OTC: variants seen among roughly 807,000 people sequenced by gnomAD.
OTC encodes the protein ornithine transcarbamylase, also known as ornithine transcarbamylase, mitochondrial.
A neutral mutation model predicts 30.3 loss-of-function variants in OTC; 3 were observed. That is an observed-to-expected ratio of 0.10 (90% CI 0.05 to 0.26). The LOEUF (loss-of-function observed/expected upper bound fraction) is 0.26, where lower values mean the gene tolerates loss of function less well. Ranked by LOEUF, OTC falls within the 10% of genes least tolerant of loss-of-function variation. The pLI is 1.00. For synonymous variants in OTC, 111 were observed against 99.7 expected (o/e 1.11, Z -0.67); for missense variants, 194 against 260.3 (o/e 0.75, Z 1.75).
At chrX:38,382,730 T>A (rs1200971148) in intron 4 of OTC, among the ~76,000 whole-genome samples, 2 of 112,456 alleles carry the variant, frequency 1.8e-5, no homozygotes, top group Non-Finnish European at 3.7e-5. Flanking sequence ...GATCAAGGGA[T>A]GAAGCCAGAG....
chrX:38,375,775 G>A (rs757765784), intron 3 of OTC, among the ~76,000 whole-genome samples: 1 of 111,514 alleles, frequency 9.0e-6, no homozygotes, highest in Non-Finnish European at 1.9e-5. Context: ...ATCTGGCCTA[G>A]AGATATTTGA....
At chrX:38,412,202 C>A (rs2068547770) in intron 9 of OTC, among the ~76,000 whole-genome samples, 1 of 111,800 alleles carries the variant, frequency 8.9e-6, no homozygotes. Flanking sequence ...TGAGATTAAT[C>A]TCCTTTCAAA....
At chrX:38,395,016 A>G (rs1035886939) in intron 4 of OTC, among the ~76,000 whole-genome samples, 1 of 111,113 alleles carries the variant, frequency 9.0e-6, no homozygotes, top group African/African-American at 3.3e-5. Context: ...TCTGTCACCC[A>G]GGCTAGAGTG....
chrX:38,400,005 T>C (rs2068476939), intron 4 of OTC, among the ~76,000 whole-genome samples: 1 of 111,744 alleles, frequency 8.9e-6, no homozygotes, highest in Non-Finnish European at 1.9e-5. Flanking sequence ...ATAAGAATTA[T>C]ATAGTAAATT....
chrX:38,342,949 T>C, the OTC span, among the ~76,000 whole-genome samples: 1 of 111,924 alleles, frequency 8.9e-6, no homozygotes, highest in African/African-American at 3.2e-5. Context: ...GCTTAGTAGA[T>C]ATAGCCCAAT....
intron 4 of OTC, among the ~76,000 whole-genome samples, chrX:38,396,676 G>A (rs2068459032): frequency 9.0e-6 from 1 of 110,965 alleles, no homozygotes. Context: ...GGTAGACTGA[G>A]GCCGGATAAT....
intron 3 of OTC, among the ~76,000 whole-genome samples, chrX:38,376,873 C>G (rs187372810): frequency 1.1e-4 from 12 of 112,068 alleles, no homozygotes; most frequent in African/African-American, 3.9e-4. Context: ...TAAATAGAAC[C>G]TAATGCAATA....
intron 3 of OTC, among the ~76,000 whole-genome samples, chrX:38,376,670 A>G (rs905418091): frequency 8.9e-6 from 1 of 112,316 alleles, no homozygotes; most frequent in Non-Finnish European, 1.9e-5. Context: ...AATGGAAACT[A>G]CAAAAGAGCA....
intron 4 of OTC, chrX:38,395,617 C>A: frequency 6.7e-6 from 1 of 148,279 alleles, no homozygotes; most frequent in South Asian, 2.0e-4. Context: ...GCTCACAGTT[C>A]CATCCATAGG....
intron 4 of OTC, among the ~76,000 whole-genome samples, chrX:38,393,908 T>G (rs778487545): frequency 8.9e-6 from 1 of 111,836 alleles, no homozygotes. Context: ...CCTGTATCCT[T>G]GGGCTTGAGG....
chrX:38,338,736 C>T, the OTC span, among the ~76,000 whole-genome samples: 1 of 112,273 alleles, frequency 8.9e-6, no homozygotes, highest in Non-Finnish European at 1.9e-5. Context: ...GAGAGAAATA[C>T]TTGGGCAAAG....
chrX:38,332,504 T>TATATATA, the OTC span, among the ~76,000 whole-genome samples: 67 of 39,355 alleles, frequency 1.7e-3, no homozygotes, highest in African/African-American at 5.8e-3. Flanking sequence ...GCCCTAGATT[T>TATATATA]TATATATATA....
chrX:38,420,847 C>T (rs1255788238), intron 9 of OTC, among the ~76,000 whole-genome samples, 176 bp from the exon 10 acceptor site: 1 of 111,413 alleles, frequency 9.0e-6, no homozygotes, highest in Non-Finnish European at 1.9e-5. Context: ...TTCATTTATA[C>T]CCTCCTCCAA....
At chrX:38,366,733 TATTTC>T (rs1483930034) in intron 1 of OTC, among the ~76,000 whole-genome samples, 3 of 111,897 alleles carry the variant, frequency 2.7e-5, no homozygotes, top group Non-Finnish European at 3.8e-5. Context: ...CTCATGTGGC[TATTTC>T]AAGCAAATAA....
At chrX:38,345,096 G>A in the OTC span, among the ~76,000 whole-genome samples, 1 of 111,036 alleles carries the variant, frequency 9.0e-6, no homozygotes, top group Non-Finnish European at 1.9e-5. Flanking sequence ...TAGCTATTTG[G>A]GAGGCTGAGG....
intron 7 of OTC, 37 bp downstream of exon 7, chrX:38,408,832 A>G (rs1470349343): frequency 8.3e-7 from 1 of 1,206,138 alleles, no homozygotes; most frequent in Non-Finnish European, 1.1e-6. Context: ...ATTGCCTTTT[A>G]CTGTCCCATG....
intron 2 of OTC, among the ~76,000 whole-genome samples, chrX:38,367,904 G>A (rs187035669): frequency 0.011 from 1,180 of 110,637 alleles, 17 homozygotes; most frequent in African/African-American, 0.037. Context: ...TTTTAGTAGA[G>A]ATGGAGTTTT....
In OTC at chrX:38,352,628, G is replaced by A; in HGVS notation, c.-69G>A. ...GAACACATTTCTTAGTTTTTAGGTG[G>A]CCCCCGCTGGCTAACTTGCTGTGGA... On this transcript the variant is annotated 5_prime_UTR_variant, in exon 1 of 10. Coordinates refer to ENST00000039007, the MANE Select transcript of OTC (RefSeq NM_000531.6). 1.2e-6 allele frequency: 1 copy of A among 802,157 alleles called. No homozygotes were observed. The highest frequency in any genetic ancestry group is 1.9e-6 in the Non-Finnish European group (1 of 524,747). 66.1% of individuals were successfully genotyped at this position (802,157 alleles called of 1,213,427 possible).
intron 4 of OTC, among the ~76,000 whole-genome samples, chrX:38,396,958 G>A (rs376271753): frequency 9.0e-6 from 1 of 111,114 alleles, no homozygotes; most frequent in African/African-American, 3.3e-5. Context: ...TTTATTCATG[G>A]TACAGTTTCT....
Sources: allele counts gnomAD v4.1 joint callset (sites outside exome capture counted in the v4.1 genomes callset), GRCh38; gene constraint gnomAD v4.1.1; transcripts MANE v1.5; gene names NCBI Gene and HGNC (gene_info 2026-07-23, HGNC 2026-07-21).